Variants in CLCN3 observed in about 807,000 individuals in gnomAD.
CLCN3 encodes Cl-/H+ antiporter 3.
In CLCN3, 16 loss-of-function variants were observed where a neutral mutation model predicts 83.4. The observed-to-expected ratio is 0.19, with a 90% confidence interval of 0.13 to 0.29. The LOEUF is 0.29. Among genes scored for constraint, CLCN3 ranks in the 10% least tolerant of loss-of-function variants. CLCN3 has a pLI of 1.00. For missense variants in CLCN3, 544 were observed against 1,006.0 expected (o/e 0.54, Z 6.21); for synonymous variants, 322 against 346.2 (o/e 0.93, Z 0.78).
In CLCN3 at chr4:169,661,183, C is replaced by T. The variant is rs56000631; in HGVS notation, c.161-18867C>T. ...AAAATTAATTGCATGTTAATTACTA[C>T]CCTTTTTTTCATTTTTGTTTAATTG... On this transcript the variant is annotated intron_variant, in intron 2 of 12. Transcript: ENST00000513761. Among the ~76,000 whole-genome samples the T allele has an allele frequency of 3.6e-3, 546 of 152,200 alleles. 3 individuals carry two copies. The highest frequency in any genetic ancestry group is 0.022 in the South Asian group (107 of 4,826).
chr4:169,635,951 A>G lies in CLCN3; in HGVS notation c.23A>G (p.His8Arg). Residue 8 changes from histidine to arginine, a missense_variant, in exon 2 of 13, where the codon CAT becomes CGT. Around this residue, in one of 6 missense-constraint regions of CLCN3, gnomAD observed 77 missense variants for 92.8 expected, o/e 0.83. Coordinates refer to ENST00000513761, the MANE Select transcript of CLCN3 (RefSeq NM_001829.4). ...TAAATGGAGTCTGAGCAGCTGTTCC[A>G]TAGAGGCTACTATAGAAACAGCTAC... Reference protein sequence around the residue: MESEQLFHRGYYRNSYNS... With the variant: MESEQLFRRGYYRNSYNS... 2 of 1,607,256 alleles carry G rather than the reference A, an allele frequency of 1.2e-6. No individual in the cohort carries two copies. Among genetic ancestry groups the G allele is most frequent in the African/African-American group, 1.3e-5 (1 of 74,700 alleles).
At position 169,718,941 on chromosome 4, in the gene CLCN3, A is replaced by C. The variant is rs1031720186; in HGVS notation, c.2367-966A>C. Among the ~76,000 whole-genome samples, 6 of 152,354 alleles carry C rather than the reference A, an allele frequency of 3.9e-5. No individual in the cohort carries two copies. In the East Asian group the frequency reaches 5.8e-4, roughly 15 times the overall value. ...TAACAACTAAGACTTTCATAAAAGC[A>C]CTGTATCTTAACTTTCCTGGCCTAA... is the stretch of plus-strand genomic sequence containing the variant. On this transcript the variant is annotated intron_variant, in intron 12 of 12. Coordinates refer to ENST00000513761, the MANE Select transcript of CLCN3 (RefSeq NM_001829.4).
rs1553965336 is a variant in CLCN3, at chr4:169,636,735, G to GTTGTTT, written c.160+649_160+650insGTTTTT. On this transcript the variant is annotated intron_variant, in intron 2 of 12. Transcript: ENST00000513761. The stretch of plus-strand genomic sequence containing the variant: ...TTCTACACTGATATTTCATTATTTG[G>GTTGTTT]TTTTTTTTTTTTTTTTCATATTTTG... Among the ~76,000 whole-genome samples, 648 of 119,068 alleles carry GTTGTTT rather than the reference G, an allele frequency of 5.4e-3. 1 individual carries two copies. Among genetic ancestry groups the GTTGTTT allele is most frequent in the East Asian group, 7.3e-3 (31 of 4,226 alleles). 78.1% of individuals were successfully genotyped at this position (119,068 alleles called of 152,430 possible). A position where few individuals can be genotyped will look rare whatever the true frequency, so the allele number is the denominator to read the frequency against.
At chr4:169,705,324 A>G (rs1732948897) in intron 10 of CLCN3, among the ~76,000 whole-genome samples, 1 of 152,166 alleles carries the variant, frequency 6.6e-6, no homozygotes, top group Non-Finnish European at 1.5e-5. Context: ...TGGGAAATGA[A>G]GTTGGATTAG....
intron 2 of CLCN3, among the ~76,000 whole-genome samples, chr4:169,659,522 G>A (rs1310756115): frequency 1.3e-5 from 2 of 152,224 alleles, no homozygotes; most frequent in Middle Eastern, 6.8e-3. Flanking sequence ...GCGTAGTTTA[G>A]ACACATACAA....
intron 2 of CLCN3, among the ~76,000 whole-genome samples, chr4:169,652,569 T>G (rs1343746375): frequency 3.3e-5 from 5 of 152,208 alleles, no homozygotes; most frequent in African/African-American, 1.2e-4. Context: ...CTAACAGGTT[T>G]TGGTGGTTAC....
rs1032877381 is a variant in CLCN3 at position 169,720,618 on chromosome 4, A to G, written c.*621A>G. On this transcript the variant is annotated 3_prime_UTR_variant, in exon 13 of 13. Coordinates refer to ENST00000513761, the MANE Select transcript of CLCN3 (RefSeq NM_001829.4). ...TATCCTTTTGAAGCAGTCCTTTCTC[A>G]TATTGAGATGTACTGTGATTTTACT... 3.9e-5 allele frequency: 6 copies of G among 151,948 alleles called. No homozygotes were observed. Among genetic ancestry groups the G allele is most frequent in the Non-Finnish European group, 8.8e-5 (6 of 67,996 alleles). The allele number at this position is 151,948 out of a possible 1,614,324, so 9.4% of individuals were successfully genotyped here.
intron 2 of CLCN3, chr4:169,663,499 TA>T (rs1731138495): frequency 3.5e-6 from 1 of 288,812 alleles, no homozygotes; most frequent in South Asian, 2.7e-5. Flanking sequence ...CTGGCTAATT[TA>T]AAAAACAAAA....
chr4:169,684,827 G>A (rs1007408958), intron 3 of CLCN3, among the ~76,000 whole-genome samples: 99 of 151,942 alleles, frequency 6.5e-4, no homozygotes, highest in Admixed American at 2.9e-3. Flanking sequence ...TAGTCATTTC[G>A]TTTACCCCAC....
At chr4:169,683,324 T>A (rs568337698) in intron 3 of CLCN3, among the ~76,000 whole-genome samples, 1 of 152,224 alleles carries the variant, frequency 6.6e-6, no homozygotes, top group Admixed American at 6.5e-5. Flanking sequence ...ATGGAGACTA[T>A]CTCTACACAA....
chr4:169,679,040 G>GC (rs923732742), intron 2 of CLCN3, among the ~76,000 whole-genome samples: 8 of 150,170 alleles, frequency 5.3e-5, no homozygotes, highest in African/African-American at 1.5e-4. Context: ...GGGCGGGGGC[G>GC]CCCCCCACCT....
At chr4:169,653,408 T>A in intron 2 of CLCN3, among the ~76,000 whole-genome samples, 1 of 151,838 alleles carries the variant, frequency 6.6e-6, no homozygotes, top group East Asian at 1.9e-4. Flanking sequence ...GGGAGGCCCA[T>A]GTGGGTGGAT....
At chr4:169,662,725 G>A (rs1731099591) in intron 2 of CLCN3, 1 of 152,140 alleles carries the variant, frequency 6.6e-6, no homozygotes, top group Admixed American at 6.6e-5. Flanking sequence ...ATGGTAAATG[G>A]TGAAGCTTCC....
At chr4:169,650,989 G>A (rs538534284) in intron 2 of CLCN3, among the ~76,000 whole-genome samples, 2 of 152,180 alleles carry the variant, frequency 1.3e-5, no homozygotes, top group South Asian at 4.1e-4. Flanking sequence ...GAAAGAAGTT[G>A]GTATTAATAA....
chr4:169,679,673 G>A (rs1164269859), intron 2 of CLCN3, among the ~76,000 whole-genome samples: 1 of 152,198 alleles, frequency 6.6e-6, no homozygotes, highest in South Asian at 2.1e-4. Flanking sequence ...CAGATCACTC[G>A]AGGTCAGGAG....
At chr4:169,630,260 T>C (rs552653020) in intron 1 of CLCN3, among the ~76,000 whole-genome samples, 100 of 152,310 alleles carry the variant, frequency 6.6e-4, no homozygotes, top group African/African-American at 2.3e-3. Context: ...GCTCAACAGT[T>C]TTTCAGCCCT....
At chr4:169,672,226 A>ATAGATAGATAGAT (rs1731492308) in intron 2 of CLCN3, among the ~76,000 whole-genome samples, 1 of 151,162 alleles carries the variant, frequency 6.6e-6, no homozygotes, top group African/African-American at 2.4e-5. Context: ...TAAATGATAG[A>ATAGATAGATAGAT]TAGATAGATA....
At position 169,717,813 on chromosome 4, in the gene CLCN3, A is replaced by G; in HGVS notation, c.2367-2094A>G. On this transcript the variant is annotated intron_variant, in intron 12 of 12. Coordinates refer to ENST00000513761, the MANE Select transcript of CLCN3 (RefSeq NM_001829.4). ...TCAGGATTGTCTTGGGGATCATCAC[A>G]AAGAAGAACATATTAGAGCATCTCG... 3 of 1,612,746 alleles carry G rather than the reference A, an allele frequency of 1.9e-6. No individual in the cohort carries two copies. The Admixed American group carries it at 5.0e-5, about 27-fold the overall frequency.
At chr4:169,708,002 A>C (rs1733058550) in intron 11 of CLCN3, among the ~76,000 whole-genome samples, 1 of 152,126 alleles carries the variant, frequency 6.6e-6, no homozygotes, top group South Asian at 2.1e-4. Flanking sequence ...TTTTTTTGAC[A>C]CAATCTTATA....
Sources: gnomAD v4.1 joint callset for allele counts (sites outside exome capture counted in the v4.1 genomes callset) on GRCh38, gnomAD v4.1.1 for gene constraint, gnomAD v4.1.1 regional missense constraint, MANE v1.5 for transcripts, NCBI Gene and HGNC (gene_info 2026-07-23, HGNC 2026-07-21) for gene names.